Variants in TMEM156 observed in about 807,000 individuals in gnomAD.
TMEM156 encodes the protein transmembrane protein 156.
Under a neutral mutation model 30.5 loss-of-function variants are expected in TMEM156, and 28 were observed. The ratio of observed to expected loss-of-function variants is 0.92; its 90% CI spans 0.68 to 1.26. TMEM156 has a LOEUF of 1.26. Among genes scored for constraint, TMEM156 ranks in the 50% most tolerant of loss-of-function variants. The pLI, the probability that TMEM156 is intolerant of heterozygous loss-of-function variation, is 0.00. For synonymous variants in TMEM156, 137 were observed against 119.9 expected, an observed-to-expected ratio of 1.14 and a Z score of -0.93; for missense variants, 351 against 340.6, an observed-to-expected ratio of 1.03 and a Z score of -0.24.
intron 3 of TMEM156, among the ~76,000 whole-genome samples, chr4:38,989,952 C>T (rs936831422): frequency 6.6e-6 from 1 of 152,118 alleles, no homozygotes; most frequent in Non-Finnish European, 1.5e-5. Flanking sequence ...CACCACCACG[C>T]CCGGCTAATT....
intron 3 of TMEM156, among the ~76,000 whole-genome samples, chr4:38,992,982 C>G (rs1484576699): frequency 6.6e-6 from 1 of 150,720 alleles, no homozygotes; most frequent in Non-Finnish European, 1.5e-5. Context: ...AGGATGGTCT[C>G]GAACTCCTGA....
chr4:39,019,123 G>A (rs1714699988), intron 1 of TMEM156, among the ~76,000 whole-genome samples: 1 of 150,662 alleles, frequency 6.6e-6, no homozygotes, highest in African/African-American at 2.4e-5. Context: ...TCCTGAATTT[G>A]AGGATTTACG....
At chr4:38,993,676 A>C in intron 3 of TMEM156, 62 bp downstream of exon 3, 1 of 1,448,294 alleles carries the variant, frequency 6.9e-7, no homozygotes, top group Non-Finnish European at 9.5e-7. Context: ...GATAGCCCTT[A>C]CTTAATTTTA....
At chr4:39,027,970 C>T (rs953244052) in intron 1 of TMEM156, among the ~76,000 whole-genome samples, 3 of 151,958 alleles carry the variant, frequency 2.0e-5, no homozygotes, top group East Asian at 1.9e-4. Context: ...TTGGCCAGGC[C>T]GGTCTTAAAC....
At chr4:38,990,206 A>T (rs554502935) in intron 3 of TMEM156, among the ~76,000 whole-genome samples, 2 of 152,340 alleles carry the variant, frequency 1.3e-5, no homozygotes, top group South Asian at 4.1e-4. Context: ...TCTTGGTATG[A>T]ACTGCCTTTG....
intron 2 of TMEM156, 78 bp from the exon 3 acceptor site, chr4:38,994,076 C>T: frequency 3.2e-6 from 4 of 1,266,216 alleles, no homozygotes; most frequent in Non-Finnish European, 4.4e-6. Context: ...AAAACTAAAT[C>T]TCTTCCTTTC....
At chr4:39,000,175 C>G (rs1413773886) in intron 1 of TMEM156, among the ~76,000 whole-genome samples, 1 of 152,156 alleles carries the variant, frequency 6.6e-6, no homozygotes, top group Non-Finnish European at 1.5e-5. Flanking sequence ...GGGCAGATTG[C>G]TTGAGCTCAG....
intron 1 of TMEM156, among the ~76,000 whole-genome samples, chr4:39,017,365 G>C (rs1302018078): frequency 6.6e-6 from 1 of 151,598 alleles, no homozygotes; most frequent in East Asian, 1.9e-4. Context: ...TTTTTTAGTA[G>C]AGACGGGGTT....
rs74338200 is a variant in TMEM156, at chr4:38,988,684, T to C, written c.739+167A>G. Among the ~76,000 whole-genome samples the C allele has an allele frequency of 9.9e-3, 1,503 of 152,300 alleles. 26 individuals are homozygous for C. The highest frequency in any genetic ancestry group is 0.034 in the African/African-American group (1,417 of 41,562). On this transcript the variant is annotated intron_variant, in intron 4 of 6. Transcript: ENST00000381938. The stretch of plus-strand genomic sequence containing the variant: ...CGAGTAGAAGAAAGATGAATGAAGC[T>C]CCTTGCATGCTGGAACTGTGTTTTA...
chr4:39,020,786 G>T (rs1714815227), intron 1 of TMEM156, among the ~76,000 whole-genome samples: 1 of 152,072 alleles, frequency 6.6e-6, no homozygotes, highest in African/African-American at 2.4e-5. Flanking sequence ...TTGACCTCAT[G>T]ATCTGCCCAC....
chr4:38,972,658 C>G lies in TMEM156; in HGVS notation c.824-1521G>C, dbSNP rs144585175. On this transcript the variant is annotated intron_variant, in intron 5 of 6. Coordinates refer to ENST00000381938, the MANE Select transcript of TMEM156 (RefSeq NM_024943.3). ...CACATAGTAGGCTCACACCAAAAAA[C>G]TGTTTTTGGAAGAATTTATTCTGAA... Among the ~76,000 whole-genome samples, 268 of 151,726 alleles carry G rather than the reference C, an allele frequency of 1.8e-3. 1 individual carries two copies. The highest frequency in any genetic ancestry group is 3.0e-3 in the Non-Finnish European group (204 of 67,946).
chr4:38,974,593 T>A (rs1722760730), intron 5 of TMEM156, among the ~76,000 whole-genome samples: 1 of 152,206 alleles, frequency 6.6e-6, no homozygotes, highest in Non-Finnish European at 1.5e-5. Context: ...TTAGATTTTC[T>A]AATTCTTCTG....
intron 5 of TMEM156, among the ~76,000 whole-genome samples, chr4:38,983,936 C>A (rs1348256765): frequency 6.6e-6 from 1 of 152,112 alleles, no homozygotes; most frequent in Non-Finnish European, 1.5e-5. Flanking sequence ...TGAGGGTTTG[C>A]GAGATTTAAT....
At chr4:38,991,612 C>T (rs1484187201) in intron 3 of TMEM156, among the ~76,000 whole-genome samples, 1 of 152,120 alleles carries the variant, frequency 6.6e-6, no homozygotes, top group Non-Finnish European at 1.5e-5. Flanking sequence ...TCTTTGTGGA[C>T]ACCCAAAAGC....
chr4:38,998,941 C>T (rs770512589), intron 1 of TMEM156, 32 bp from the exon 2 acceptor site: 1 of 1,570,354 alleles, frequency 6.4e-7, no homozygotes, highest in Non-Finnish European at 8.6e-7. Context: ...ACTTTCTTTA[C>T]TGTAAAGCTT....
At chr4:39,030,481 C>T (rs74342485) in intron 1 of TMEM156, among the ~76,000 whole-genome samples, 2,012 of 152,264 alleles carry the variant, frequency 0.013, 47 homozygotes, top group African/African-American at 0.046. Flanking sequence ...CTGTCCCCCA[C>T]TAAGAATTTC....
chr4:38,985,483 C>T (rs182283704), intron 5 of TMEM156, among the ~76,000 whole-genome samples: 7 of 152,290 alleles, frequency 4.6e-5, no homozygotes, highest in Admixed American at 1.3e-4. Flanking sequence ...CAGTGAAATG[C>T]GGTGCAAATC....
intron 5 of TMEM156, among the ~76,000 whole-genome samples, chr4:38,973,036 T>A (rs1268872970): frequency 3.3e-5 from 5 of 152,184 alleles, no homozygotes; most frequent in Non-Finnish European, 7.4e-5. Context: ...ACTTTTATAG[T>A]TTAATGTTTA....
chr4:38,994,092 A>G lies in TMEM156; in HGVS notation c.359-94T>C, dbSNP rs1354683091. On this transcript the variant is annotated intron_variant, in intron 2 of 6. Coordinates refer to ENST00000381938, the MANE Select transcript of TMEM156 (RefSeq NM_024943.3). ...AAACTAAATCTCTTCCTTTCTATAC[A>G]AGAAAGTAGAAACAAGAAGTTTCCT... The G allele has an allele frequency of 1.3e-5, 15 of 1,128,782 alleles. No homozygotes were observed. In the Admixed American group the frequency reaches 2.9e-4, roughly 22 times the overall value. The allele number at this position is 1,128,782 out of a possible 1,614,324, so 69.9% of individuals were successfully genotyped here.
Sources: gnomAD v4.1 joint callset for allele counts (sites outside exome capture counted in the v4.1 genomes callset) on GRCh38, gnomAD v4.1.1 for gene constraint, MANE v1.5 for transcripts, NCBI Gene and HGNC (gene_info 2026-07-23, HGNC 2026-07-21) for gene names.